SPTB: variants seen among roughly 807,000 people sequenced by gnomAD.
SPTB encodes spectrin beta, erythrocytic.
In SPTB, 45 loss-of-function variants were observed where a neutral mutation model predicts 256.2. That is an observed-to-expected ratio of 0.18 (90% CI 0.14 to 0.23). The LOEUF is 0.23. Among genes scored for constraint, SPTB ranks in the 10% least tolerant of loss-of-function variants. SPTB has a pLI of 1.00. For missense variants in SPTB, 2,715 were observed against 3,040.4 expected (o/e 0.89, Z 2.52); for synonymous variants, 1,231 against 1,243.1 (o/e 0.99, Z 0.21).
intron 13 of SPTB, 117 bp downstream of exon 13, chr14:64,794,350 A>G (rs1402062977): frequency 1.0e-5 from 14 of 1,379,620 alleles, no homozygotes; most frequent in Non-Finnish European, 1.3e-5. Flanking sequence ...CCATTACTTG[A>G]TGAAAGTAAC....
At position 64,795,314 on chromosome 14, in the gene SPTB, C is replaced by A. The variant is rs932897015; in HGVS notation, c.1644+23G>T. ...CCAAGGTGAGCACTGCAGGGCATGG[C>A]GGGGGCGGCCCCCAGGGCCCACCTT... On this transcript the variant is annotated intron_variant, in intron 12 of 35. Transcript: ENST00000644917. The surrounding 1 kb of genome is among the most constrained non-coding windows in gnomAD (Gnocchi z 6.5). 6.2e-7 allele frequency: 1 copy of A among 1,600,924 alleles called. No homozygotes were observed. The highest frequency in any genetic ancestry group is 1.3e-5 in the African/African-American group (1 of 74,900).
At chr14:64,797,216 T>TA (rs771904014) in intron 10 of SPTB, among the ~76,000 whole-genome samples, 10 of 152,120 alleles carry the variant, frequency 6.6e-5, no homozygotes, top group Non-Finnish European at 1.2e-4. Flanking sequence ...CTCACACGTG[T>TA]AATCTCAGCA....
intron 9 of SPTB, among the ~76,000 whole-genome samples, chr14:64,798,151 T>C (rs980574330): frequency 6.6e-6 from 1 of 152,216 alleles, no homozygotes; most frequent in Non-Finnish European, 1.5e-5. Context: ...GTAATTCCTG[T>C]AAATATCAAG....
In SPTB at chr14:64,779,522, T is replaced by C. The variant is rs1461387395; in HGVS notation, c.4473+203A>G. On this transcript the variant is annotated intron_variant, in intron 21 of 35. Transcript: ENST00000644917. The surrounding 1 kb of genome is among the most constrained non-coding windows in gnomAD (Gnocchi z 4.2). ...CAAGTCCATGCTCTTCACCGAGCAA[T>C]ACTAGCAAGTGAACAGTGCATTCCC... is the stretch of plus-strand genomic sequence containing the variant. 6.6e-6 allele frequency among the ~76,000 whole-genome samples: 1 copy of C among 152,228 alleles called. No homozygotes were observed. Among genetic ancestry groups the C allele is most frequent in the African/African-American group, 2.4e-5 (1 of 41,462 alleles).
At position 64,822,954 on chromosome 14, in the gene SPTB, G is replaced by A; in HGVS notation, c.141C>T (p.Ala47=). The change falls in exon 2 of 36, where the codon GCC becomes GCT. Residue 47 remains alanine (A), a synonymous_variant. Transcript: ENST00000644917. The part of the protein sequence containing the change: ...ARLFERSRIK[A]LADEREVVQK... ...TGTGGCCCCAAACAGTACCTGCCAA[G>A]GCCTTTATCCGGGACCTCTCAAAGA... The A allele has an allele frequency of 1.2e-6, 2 of 1,613,476 alleles. No homozygotes were observed. The highest frequency in any genetic ancestry group is 8.5e-7 in the Non-Finnish European group (1 of 1,180,040).
intron 1 of SPTB, among the ~76,000 whole-genome samples, chr14:64,846,494 C>T (rs926243336): frequency 2.0e-5 from 3 of 152,206 alleles, no homozygotes; most frequent in African/African-American, 4.8e-5. Context: ...ACGCATAGGT[C>T]GTCAGTATTT....
chr14:64,772,518 G>C lies in SPTB; in HGVS notation c.5553+62C>G. 2 of 1,590,746 alleles carry C rather than the reference G, an allele frequency of 1.3e-6. No homozygotes were observed. Among genetic ancestry groups the C allele is most frequent in the Non-Finnish European group, 1.7e-6 (2 of 1,176,568 alleles). On this transcript the variant is annotated intron_variant, in intron 26 of 35. Transcript: ENST00000644917. This position sits in a 1 kb window ranked among gnomAD's most constrained non-coding sequence, Gnocchi z 5.4. ...AGGTTTTCCTGCTGACAGCCAGGTG[G>C]GGACTGACACCCAGGGCTCCTGGAA...
chr14:64,864,693 C>T (rs1375039255), intron 1 of SPTB, among the ~76,000 whole-genome samples: 2 of 152,156 alleles, frequency 1.3e-5, no homozygotes, highest in Non-Finnish European at 2.9e-5. Flanking sequence ...GTTACCTGTG[C>T]CTCTTCGCAG....
intron 2 of SPTB, among the ~76,000 whole-genome samples, chr14:64,815,534 A>C (rs1264975897): frequency 1.3e-5 from 2 of 152,194 alleles, no homozygotes; most frequent in Non-Finnish European, 2.9e-5. Context: ...TAGAACACGA[A>C]GCAGCTGCAC....
At position 64,779,659 on chromosome 14, in the gene SPTB, C is replaced by A. The variant is rs2082428748; in HGVS notation, c.4473+66G>T. On this transcript the variant is annotated intron_variant, in intron 21 of 35. Transcript: ENST00000644917. This position sits in a 1 kb window ranked among gnomAD's most constrained non-coding sequence, Gnocchi z 4.2. ...TGCCAAAAATTGCTCTGGGTGGCAG[C>A]CAGCTACTCTGATGGCAGCTGGTGG... 6.3e-7 allele frequency: 1 copy of A among 1,597,838 alleles called. No individual in the cohort carries two copies. Among genetic ancestry groups the A allele is most frequent in the African/African-American group, 1.3e-5 (1 of 74,676 alleles).
At chr14:64,781,276 A>C (rs2082467500) in intron 20 of SPTB, among the ~76,000 whole-genome samples, 1 of 152,240 alleles carries the variant, frequency 6.6e-6, no homozygotes, top group African/African-American at 2.4e-5. Context: ...CTATCAACAG[A>C]GTAAACAGAC....
At position 64,852,216 on chromosome 14, in the gene SPTB, T is replaced by C. The variant is rs1225145642; in HGVS notation, c.-52+27576A>G. 1.3e-5 allele frequency among the ~76,000 whole-genome samples: 2 copies of C among 152,010 alleles called. No individual in the cohort carries two copies. Among genetic ancestry groups the C allele is most frequent in the Non-Finnish European group, 2.9e-5 (2 of 68,000 alleles). On this transcript the variant is annotated intron_variant, in intron 1 of 35. Coordinates refer to ENST00000644917, the MANE Select transcript of SPTB (RefSeq NM_001355436.2). The surrounding 1 kb of genome is among the most constrained non-coding windows in gnomAD (Gnocchi z 4.2). ...CTGAGCCTTTGGGAGGAACAGGAGT[T>C]ATCCAGGCACACTTGGGGGTGATGG...
rs2082287542 is a variant in SPTB at position 64,772,187 on chromosome 14, T to C, written c.5553+393A>G. 6.6e-6 allele frequency among the ~76,000 whole-genome samples: 1 copy of C among 152,148 alleles called. No homozygotes were observed. Among genetic ancestry groups the C allele is most frequent in the East Asian group, 1.9e-4 (1 of 5,188 alleles). ...GGGAAACTTATGGGTCTTCTACCTC[T>C]CCCTTTTCTCATCTACAAAGTGCAG... On this transcript the variant is annotated intron_variant, in intron 26 of 35. Coordinates refer to ENST00000644917, the MANE Select transcript of SPTB (RefSeq NM_001355436.2). The surrounding 1 kb of genome is among the most constrained non-coding windows in gnomAD (Gnocchi z 5.4).
At position 64,777,146 on chromosome 14, in the gene SPTB, C is replaced by T. The variant is rs933031510; in HGVS notation, c.4564-1743G>A. Among the ~76,000 whole-genome samples the T allele has an allele frequency of 1.3e-5, 2 of 152,250 alleles. No homozygotes were observed. The highest frequency in any genetic ancestry group is 4.8e-5 in the African/African-American group (2 of 41,544). ...CATGACATGAATGACGGGAGGGAGG[C>T]AACCACACAGAGATCTGGGGTTGAG... On this transcript the variant is annotated intron_variant, in intron 22 of 35. Transcript: ENST00000644917. The surrounding 1 kb of genome is among the most constrained non-coding windows in gnomAD (Gnocchi z 4.5).
intron 1 of SPTB, among the ~76,000 whole-genome samples, chr14:64,828,308 TG>T (rs915747887): frequency 7.5e-6 from 1 of 132,804 alleles, no homozygotes; most frequent in African/African-American, 2.8e-5. Context: ...GGAATAGGGG[TG>T]GGGGTGGATG....
chr14:64,766,174 G>T (rs1594751959), intron 32 of SPTB, among the ~76,000 whole-genome samples: 1 of 146,758 alleles, frequency 6.8e-6, no homozygotes, highest in African/African-American at 2.6e-5. Context: ...GTATGTGTAT[G>T]TGTGTGTGTA....
rs2139501428 is a variant in SPTB, at chr14:64,772,442, C to T, written c.5553+138G>A. On this transcript the variant is annotated intron_variant, in intron 26 of 35. Coordinates refer to ENST00000644917, the MANE Select transcript of SPTB (RefSeq NM_001355436.2). This position sits in a 1 kb window ranked among gnomAD's most constrained non-coding sequence, Gnocchi z 5.4. ...ACATCTGAAAGCCACTGCTCCCAGC[C>T]CTGAGCTCCTGGCTGTCTAAGGAGG... The T allele has an allele frequency of 8.4e-7, 1 of 1,195,642 alleles. No individual in the cohort carries two copies. The highest frequency in any genetic ancestry group is 2.4e-5 in the Admixed American group (1 of 41,070). 74.1% of individuals were successfully genotyped at this position (1,195,642 alleles called of 1,614,324 possible).
chr14:64,846,654 T>C (rs948483765), intron 1 of SPTB, among the ~76,000 whole-genome samples: 1 of 152,256 alleles, frequency 6.6e-6, no homozygotes, highest in Non-Finnish European at 1.5e-5. Context: ...AAGGAACTCA[T>C]GATCTCATTA....
chr14:64,770,665 G>A (rs2082266266), intron 27 of SPTB, among the ~76,000 whole-genome samples: 1 of 152,178 alleles, frequency 6.6e-6, no homozygotes, highest in Non-Finnish European at 1.5e-5. Flanking sequence ...CTACACTCAG[G>A]ACTCTCCTGA....
Sources: gnomAD v4.1 joint callset for allele counts (sites outside exome capture counted in the v4.1 genomes callset) on GRCh38, gnomAD v4.1.1 for gene constraint, Gnocchi (gnomAD v3.1) non-coding constraint, MANE v1.5 for transcripts, NCBI Gene and HGNC (gene_info 2026-07-23, HGNC 2026-07-21) for gene names.